PRKCB: variants seen among roughly 807,000 people sequenced by gnomAD.
PRKCB encodes the protein protein kinase C beta type.
A neutral mutation model predicts 81.5 loss-of-function variants in PRKCB; 13 were observed. The ratio of observed to expected loss-of-function variants is 0.16; its 90% CI spans 0.10 to 0.25. The LOEUF (loss-of-function observed/expected upper bound fraction) is 0.25. Ranked by LOEUF, PRKCB falls within the 10% of genes least tolerant of loss-of-function variation. The pLI is 1.00. For missense variants in PRKCB, 509 were observed against 875.7 expected (o/e 0.58, Z 5.29); for synonymous variants, 335 against 321.4 (o/e 1.04, Z -0.45).
chr16:24,164,155 T>A (rs954417247), intron 10 of PRKCB, among the ~76,000 whole-genome samples: 7 of 152,190 alleles, frequency 4.6e-5, no homozygotes, highest in South Asian at 2.1e-4. Flanking sequence ...AGTGTCCCCC[T>A]GGCAGTCACA....
intron 2 of PRKCB, among the ~76,000 whole-genome samples, chr16:23,987,783 A>G (rs1964821055): frequency 6.6e-6 from 1 of 152,154 alleles, no homozygotes; most frequent in Non-Finnish European, 1.5e-5. Context: ...CCAAGACTGT[A>G]AAAGATGATT....
At chr16:24,149,523 C>T (rs928511471) in intron 9 of PRKCB, among the ~76,000 whole-genome samples, 1 of 152,146 alleles carries the variant, frequency 6.6e-6, no homozygotes, top group South Asian at 2.1e-4. Context: ...CATCTCCTAG[C>T]CACCTTATTA....
rs1245982932 is a variant in PRKCB, at chr16:24,216,949, G to C, written c.*2133G>C. Reference sequence around the variant, plus strand: ...CATCTCTGAGCCAGGCCCACCAACAGGCCCTTATCTGGTGGTTGGATCATG... The same window carrying C: ...CATCTCTGAGCCAGGCCCACCAACACGCCCTTATCTGGTGGTTGGATCATG... On this transcript the variant is annotated 3_prime_UTR_variant, in exon 17 of 17. Coordinates refer to ENST00000643927, the MANE Select transcript of PRKCB (RefSeq NM_002738.7). 1 of 985,300 alleles carries C rather than the reference G, an allele frequency of 1.0e-6. No homozygotes were observed. Among genetic ancestry groups the C allele is most frequent in the Non-Finnish European group, 1.2e-6 (1 of 829,946 alleles). The allele number at this position is 985,300 out of a possible 1,614,324, so 61.0% of individuals were successfully genotyped here.
chr16:23,855,883 A>G (rs1962557733), intron 2 of PRKCB, among the ~76,000 whole-genome samples: 1 of 152,202 alleles, frequency 6.6e-6, no homozygotes, highest in Non-Finnish European at 1.5e-5. Context: ...GAGGAGTCCC[A>G]GGGAGGACAC....
chr16:24,114,940 G>A (rs559918814), intron 8 of PRKCB, among the ~76,000 whole-genome samples: 152 of 152,242 alleles, frequency 1.0e-3, no homozygotes, highest in African/African-American at 3.4e-3. Context: ...GAAATGTCAC[G>A]TAGTTTGAGA....
At chr16:23,907,576 G>A (rs116806804) in intron 2 of PRKCB, among the ~76,000 whole-genome samples, 1,590 of 152,174 alleles carry the variant, frequency 0.01, 32 homozygotes, top group African/African-American at 0.036. Context: ...TGAACAGACC[G>A]TTGATTAGAT....
chr16:24,003,670 C>T (rs529999273), intron 3 of PRKCB, among the ~76,000 whole-genome samples: 136 of 152,242 alleles, frequency 8.9e-4, no homozygotes, highest in African/African-American at 3.0e-3. Context: ...CAGGCGTGAG[C>T]GACTGCACCC....
At chr16:23,875,716 A>ATATCACACATATATGTG (rs1962999849) in intron 2 of PRKCB, among the ~76,000 whole-genome samples, 1 of 128,178 alleles carries the variant, frequency 7.8e-6, no homozygotes, top group African/African-American at 3.2e-5. Flanking sequence ...ATATATATGT[A>ATATCACACATATATGTG]TGTATATCAC....
intron 2 of PRKCB, among the ~76,000 whole-genome samples, chr16:23,949,744 G>T (rs139520901): frequency 5.9e-5 from 9 of 152,322 alleles, no homozygotes; most frequent in African/African-American, 1.9e-4. Context: ...AGCCAGGCAG[G>T]TACCAGTTGT....
intron 13 of PRKCB, 37 bp from the exon 14 acceptor site, chr16:24,185,074 T>C (rs1567405495): frequency 1.3e-6 from 2 of 1,569,494 alleles, no homozygotes; most frequent in Admixed American, 1.7e-5. Context: ...AAACATGAAC[T>C]GCAAACCTCC....
At chr16:24,102,492 G>A (rs1003028648) in intron 7 of PRKCB, among the ~76,000 whole-genome samples, 1 of 152,164 alleles carries the variant, frequency 6.6e-6, no homozygotes, top group African/African-American at 2.4e-5. Context: ...AGAAGGGGAT[G>A]GGCTCCATCA....
At chr16:23,899,379 C>T (rs1184282036) in intron 2 of PRKCB, among the ~76,000 whole-genome samples, 2 of 152,174 alleles carry the variant, frequency 1.3e-5, no homozygotes, top group Non-Finnish European at 2.9e-5. Flanking sequence ...AGTACATTCC[C>T]TGTTCTTTAA....
chr16:24,081,683 G>A (rs1454681539), intron 5 of PRKCB, among the ~76,000 whole-genome samples: 2 of 152,008 alleles, frequency 1.3e-5, no homozygotes, highest in Non-Finnish European at 2.9e-5. Flanking sequence ...GACCAACCTG[G>A]CCAACATGGT....
At chr16:23,852,928 A>G (rs1988127688) in intron 2 of PRKCB, among the ~76,000 whole-genome samples, 1 of 152,206 alleles carries the variant, frequency 6.6e-6, no homozygotes, top group South Asian at 2.1e-4. Flanking sequence ...GTTAGCTGGG[A>G]CTTTTTTAGT....
chr16:24,027,127 C>T (rs1965491791), intron 3 of PRKCB, among the ~76,000 whole-genome samples: 1 of 152,132 alleles, frequency 6.6e-6, no homozygotes, highest in African/African-American at 2.4e-5. Context: ...TTAGGTATTT[C>T]TCCTAATGCC....
intron 16 of PRKCB, among the ~76,000 whole-genome samples, chr16:24,201,596 T>G (rs958266501): frequency 2.6e-5 from 4 of 152,328 alleles, no homozygotes. Context: ...GGGGATGGAA[T>G]GTGCTGATTG....
At chr16:24,043,892 G>A (rs35276069) in intron 5 of PRKCB, among the ~76,000 whole-genome samples, 28,133 of 152,052 alleles carry the variant, frequency 0.19, 2,888 homozygotes, top group Middle Eastern at 0.23. Flanking sequence ...TGAACATTTT[G>A]ACTCTCACGT....
intron 10 of PRKCB, among the ~76,000 whole-genome samples, chr16:24,160,190 GT>G (rs11305626): frequency 0.67 from 77,043 of 115,170 alleles, 25,331 homozygotes; most frequent in East Asian, 0.88. Flanking sequence ...CCCTTTGGGT[GT>G]TTTTTTTTTT....
intron 2 of PRKCB, among the ~76,000 whole-genome samples, chr16:23,838,895 C>T (rs1185954068): frequency 2.0e-5 from 3 of 152,178 alleles, no homozygotes; most frequent in South Asian, 4.1e-4. Flanking sequence ...TAAGTGGCAA[C>T]AACTTAGGCC....
Sources: gnomAD v4.1 joint callset for allele counts (sites outside exome capture counted in the v4.1 genomes callset) on GRCh38, gnomAD v4.1.1 for gene constraint, MANE v1.5 for transcripts, NCBI Gene and HGNC (gene_info 2026-07-23, HGNC 2026-07-21) for gene names.